Variants in DHX58 observed in about 807,000 individuals in gnomAD.
DHX58 encodes DExH-box helicase 58.
DHX58 carries 51 observed loss-of-function variants against 65.0 expected under a neutral mutation model. That is an observed-to-expected ratio of 0.78 (90% CI 0.63 to 0.99). The LOEUF (loss-of-function observed/expected upper bound fraction) is 0.99. DHX58 is among the 50% of genes least tolerant of loss of function. DHX58 has a pLI of 0.00. For synonymous variants in DHX58, 350 were observed against 365.0 expected (o/e 0.96, Z 0.47); for missense variants, 773 against 891.8 (o/e 0.87, Z 1.70).
At chr17:42,102,182 A>G in intron 13 of DHX58, 34 bp downstream of exon 13, 1 of 1,608,912 alleles carries the variant, frequency 6.2e-7, no homozygotes. Context: ...GGGGCTGAGG[A>G]CTCTGGGGCC....
At chr17:42,105,258 C>T (rs2054038571) in intron 9 of DHX58, 91 bp from the exon 10 acceptor site, 19 of 1,437,558 alleles carry the variant, frequency 1.3e-5, no homozygotes, top group Non-Finnish European at 1.7e-5. Flanking sequence ...TCTGGTTCAG[C>T]CCTCACTCCC....
At chr17:42,112,053 A>G (rs1209522376) in intron 2 of DHX58, 60 bp downstream of exon 2, 3 of 888,992 alleles carry the variant, frequency 3.4e-6, no homozygotes, top group Non-Finnish European at 3.3e-6. Context: ...TGCTCTGCCC[A>G]AAAGGGGGAG....
Position 42,101,803 on chromosome 17 carries a change from C to T in DHX58, c.1995G>A (p.Leu665=), listed in dbSNP as rs2053982192. Reference sequence around the variant, plus strand: ...CCGACAAGTTCTCGGCACAATGCTGCAGGAAGTCAAAGTCAGGCACGGAGA... The same window carrying T: ...CCGACAAGTTCTCGGCACAATGCTGTAGGAAGTCAAAGTCAGGCACGGAGA... The part of the protein sequence containing the change: ...VPFSVPDFDF[L]QHCAENLSDL... The change falls in exon 14 of 14, where the codon CTG becomes CTA. Residue 665 remains leucine (L), a synonymous_variant. Transcript: ENST00000251642. 3.7e-6 allele frequency: 6 copies of T among 1,614,246 alleles called. No individual in the cohort carries two copies. The highest frequency in any genetic ancestry group is 1.3e-5 in the African/African-American group (1 of 75,062).
At chr17:42,104,624 T>G in intron 11 of DHX58, 142 bp downstream of exon 11, 29 of 1,095,510 alleles carry the variant, frequency 2.6e-5, no homozygotes, top group African/African-American at 3.2e-5. Flanking sequence ...CCCCGGCCCT[T>G]ATTTAAACCT....
At chr17:42,103,193 C>T in intron 12 of DHX58, 1 of 198,706 alleles carries the variant, frequency 5.0e-6, no homozygotes, top group Middle Eastern at 1.9e-3. Context: ...ATCCTTGGCA[C>T]AGTGGCCCGG....
Position 42,101,673 on chromosome 17 carries a change from CTGA to C in DHX58, c.*85_*87del, listed in dbSNP as rs2053979282. ...TGGCTGGTGGGCCTGATGCCCACAGCTGATGATTCAGGAAGGAGGGGCCTGGAG... is the reference window on the plus strand; with the variant it reads ...TGGCTGGTGGGCCTGATGCCCACAGCTGATTCAGGAAGGAGGGGCCTGGAG... On this transcript the variant is annotated 3_prime_UTR_variant, in exon 14 of 14. Transcript: ENST00000251642. The C allele has an allele frequency of 1.0e-5, 16 of 1,527,346 alleles. No homozygotes were observed. In the Admixed American group the frequency reaches 3.0e-4, roughly 28 times the overall value. 94.6% of individuals were successfully genotyped at this position (1,527,346 alleles called of 1,614,324 possible).
chr17:42,110,048 A>G lies in DHX58; in HGVS notation c.562-662T>C, dbSNP rs2054124705. Among the ~76,000 whole-genome samples the G allele has an allele frequency of 2.0e-5, 3 of 151,902 alleles. No individual in the cohort carries two copies. The South Asian group carries it at 6.2e-4, about 32-fold the overall frequency. The stretch of plus-strand genomic sequence containing the variant: ...TAAAAATACAAAAAATTAGCTGGGC[A>G]TAGTGGTGGGTGCCTGTAATCCCAG... On this transcript the variant is annotated intron_variant, in intron 5 of 13. Coordinates refer to ENST00000251642, the MANE Select transcript of DHX58 (RefSeq NM_024119.3).
rs9807056 is a variant in DHX58, at chr17:42,102,234, G to T, written c.1833C>A (p.Ser611Arg). 29 of 1,614,058 alleles carry T rather than the reference G, an allele frequency of 1.8e-5. No homozygotes were observed. The African/African-American group carries it at 3.6e-4, about 20-fold the overall frequency. Residue 611 changes from serine to arginine, a missense_variant, in exon 13 of 14, where the codon AGC becomes AGA. Transcript: ENST00000251642. ...CTCTTACCTCCCCACAGTTCCTGCA[G>T]CTGATGACACCCCCAGGCTTCCAGT... is the stretch of plus-strand genomic sequence containing the variant. The part of the protein sequence containing the change: ...FKDWKPGGVI[S>R]CRNCGEVWGL...
In DHX58 at chr17:42,109,336, G is replaced by A. The variant is rs1555663565; in HGVS notation, c.612C>T (p.Cys204=). 2.5e-6 allele frequency: 4 copies of A among 1,613,930 alleles called. No homozygotes were observed. The Admixed American group carries it at 5.0e-5, about 20-fold the overall frequency. Residue 204 remains cysteine, a synonymous_variant, in exon 6 of 14, where the codon TGC becomes TGT. Coordinates refer to ENST00000251642, the MANE Select transcript of DHX58 (RefSeq NM_024119.3). Reference sequence around the variant, plus strand: ...GTTGGCTGTGCTCCTGCAGCTGGGGGCAGCAGTTCTGGGGTGACATGATGC... The same window carrying A: ...GTTGGCTGTGCTCCTGCAGCTGGGGACAGCAGTTCTGGGGTGACATGATGC... The part of the protein sequence containing the change: ...TWCIMSPQNC[C]PQLQEHSQQP...
At position 42,101,935 on chromosome 17, in the gene DHX58, C is replaced by T; in HGVS notation, c.1863G>A (p.Leu621=). Residue 621 remains leucine, a synonymous_variant, in exon 14 of 14, where the codon CTG becomes CTA. Transcript: ENST00000251642. ...GCTTCACTGACTTGTAGATCATCTGCAGACCCCAGACCTGGAGGTGAGACA... is the reference window on the plus strand; with the variant it reads ...GCTTCACTGACTTGTAGATCATCTGTAGACCCCAGACCTGGAGGTGAGACA... ...SCRNCGEVWG[L]QMIYKSVKLP... is the part of the protein sequence containing the mutation. The T allele has an allele frequency of 3.7e-6, 6 of 1,610,972 alleles. No individual in the cohort carries two copies. Among genetic ancestry groups the T allele is most frequent in the Admixed American group, 1.7e-5 (1 of 59,420 alleles).
chr17:42,102,060 A>C (rs2053987357), intron 13 of DHX58, 114 bp from the exon 14 acceptor site: 4 of 1,448,142 alleles, frequency 2.8e-6, no homozygotes, highest in Middle Eastern at 1.8e-4. Context: ...GAGATGTCAC[A>C]GACTGTGGGC....
rs782528084 is a variant in DHX58 at position 42,111,378 on chromosome 17, G to A, written c.288C>T (p.Cys96=). The change falls in exon 4 of 14, where the codon TGC becomes TGT. Residue 96 remains cysteine, a synonymous_variant. Coordinates refer to ENST00000251642, the MANE Select transcript of DHX58 (RefSeq NM_024119.3). ...CTGCTGTGCAGATGAGCAGGTCATG[G>A]CACCGGGCCAGGTGGCCAAAGCCAG... ...PRAGFGHLAR[C]HDLLICTAEL... is the part of the protein sequence containing the mutation. 3.1e-6 allele frequency: 5 copies of A among 1,614,040 alleles called. No homozygotes were observed. The African/African-American group carries it at 6.7e-5, about 22-fold the overall frequency.
chr17:42,110,166 G>A (rs1208542166), intron 5 of DHX58, among the ~76,000 whole-genome samples: 4 of 142,344 alleles, frequency 2.8e-5, no homozygotes, highest in African/African-American at 1.1e-4. Context: ...CAGCCTGGGC[G>A]ACAGAGTGAG....
chr17:42,109,260 C>A lies in DHX58; in HGVS notation c.678+10G>T, dbSNP rs376227637. 1 of 1,607,000 alleles carries A rather than the reference C, an allele frequency of 6.2e-7. No homozygotes were observed. The highest frequency in any genetic ancestry group is 1.3e-5 in the African/African-American group (1 of 74,956). On this transcript the variant is annotated intron_variant, in intron 6 of 13. Coordinates refer to ENST00000251642, the MANE Select transcript of DHX58 (RefSeq NM_024119.3). ...GCTCCCGCTCTCGCCGTGTCCCTGC[C>A]CCCGCGTACCTGGCTGCGCCTGTGG...
chr17:42,107,553 C>G, intron 8 of DHX58, 51 bp downstream of exon 8: 4 of 1,481,950 alleles, frequency 2.7e-6, no homozygotes, highest in Non-Finnish European at 3.6e-6. Flanking sequence ...CCTCTGACCT[C>G]GCATCCAGGT....
intron 12 of DHX58, 65 bp from the exon 13 acceptor site, chr17:42,102,377 C>T (rs782540035): frequency 3.5e-5 from 50 of 1,432,678 alleles, no homozygotes; most frequent in Non-Finnish European, 4.9e-5. Context: ...CTCATGCCCT[C>T]CTGCCGGCCA....
chr17:42,111,706 G>C lies in DHX58; in HGVS notation c.168+19C>G. On this transcript the variant is annotated intron_variant, in intron 3 of 13. Transcript: ENST00000251642. ...CCCTGCTTGGTGGTGGGAGAGCGGGGTAGGGACAGACCACTCACCCTGTTG... is the reference window on the plus strand; with the variant it reads ...CCCTGCTTGGTGGTGGGAGAGCGGGCTAGGGACAGACCACTCACCCTGTTG... 1.2e-6 allele frequency: 2 copies of C among 1,600,428 alleles called. No homozygotes were observed. The highest frequency in any genetic ancestry group is 1.7e-6 in the Non-Finnish European group (2 of 1,170,162).
At position 42,109,255 on chromosome 17, in the gene DHX58, C is replaced by A; in HGVS notation, c.678+15G>T. ...CACCGGCTCCCGCTCTCGCCGTGTC[C>A]CTGCCCCCGCGTACCTGGCTGCGCC... On this transcript the variant is annotated intron_variant, in intron 6 of 13. Transcript: ENST00000251642. 1 of 1,605,362 alleles carries A rather than the reference C, an allele frequency of 6.2e-7. No homozygotes were observed. The highest frequency in any genetic ancestry group is 8.5e-7 in the Non-Finnish European group (1 of 1,174,824).
chr17:42,109,055 G>A (rs2054108830), intron 6 of DHX58, among the ~76,000 whole-genome samples: 1 of 152,242 alleles, frequency 6.6e-6, no homozygotes, highest in Non-Finnish European at 1.5e-5. Flanking sequence ...ACAGTGATGT[G>A]ACAGACACCA....
Sources: gnomAD v4.1 joint callset for allele counts (sites outside exome capture counted in the v4.1 genomes callset) on GRCh38, gnomAD v4.1.1 for gene constraint, MANE v1.5 for transcripts, NCBI Gene and HGNC (gene_info 2026-07-23, HGNC 2026-07-21) for gene names.